The following MAML1 variants were observed in gnomAD, a reference collection of about 807,000 sequenced individuals.
MAML1 encodes mastermind-like protein 1.
In MAML1, 14 loss-of-function variants were observed where a neutral mutation model predicts 77.1. The observed-to-expected ratio is 0.18, with a 90% CI of 0.12 to 0.28. The LOEUF (loss-of-function observed/expected upper bound fraction) is 0.28. MAML1 is among the 10% of genes least tolerant of loss of function. The pLI is 1.00. For synonymous variants in MAML1, 516 were observed against 551.9 expected, an observed-to-expected ratio of 0.93 and a Z score of 0.91; for missense variants, 1,217 against 1,327.8, an observed-to-expected ratio of 0.92 and a Z score of 1.30.
chr5:179,739,805 T>C (rs1282812674), intron 1 of MAML1, among the ~76,000 whole-genome samples: 1 of 152,218 alleles, frequency 6.6e-6, no homozygotes, highest in African/African-American at 2.4e-5. Flanking sequence ...TTATTGCAAA[T>C]ACTAGGCCAT....
At chr5:179,757,380 C>T (rs941357970) in intron 1 of MAML1, among the ~76,000 whole-genome samples, 1 of 151,978 alleles carries the variant, frequency 6.6e-6, no homozygotes, top group African/African-American at 2.4e-5. Flanking sequence ...CCAGCCTGAC[C>T]AACATGGTGA....
intron 1 of MAML1, among the ~76,000 whole-genome samples, chr5:179,744,761 G>A (rs373860964): frequency 6.6e-6 from 1 of 151,938 alleles, no homozygotes; most frequent in Non-Finnish European, 1.5e-5. Flanking sequence ...GTAATCCACC[G>A]CGCCCAGCTG....
At chr5:179,762,909 C>T (rs1425352506) in intron 1 of MAML1, among the ~76,000 whole-genome samples, 1 of 152,182 alleles carries the variant, frequency 6.6e-6, no homozygotes, top group African/African-American at 2.4e-5. Flanking sequence ...TGGTTAAAAG[C>T]AATAGGTATT....
Position 179,766,581 on chromosome 5 carries a change from A to C in MAML1, c.1571A>C (p.Asp524Ala). Residue 524 changes from aspartate to alanine, a missense_variant, in exon 2 of 5, where the codon GAC becomes GCC. Physicochemically the swap from Asp to Ala is moderately radical, Grantham distance 126 (BLOSUM62 -2). This residue lies in a region of MAML1 where 884 missense variants were observed against 949.3 expected (regional missense o/e 0.93). Coordinates refer to ENST00000292599, the MANE Select transcript of MAML1 (RefSeq NM_014757.5). The surrounding 1 kb of genome is among the most constrained non-coding windows in gnomAD (Gnocchi z 4.0). The part of the protein sequence containing the change: ...NTKPLSHYKA[D>A]CGQGSPGSGQ... ...AAACCCCTTTCTCATTACAAAGCGG[A>C]CTGTGGGCAAGGCAGCCCGGGGTCT... 6.2e-7 allele frequency: 1 copy of C among 1,611,684 alleles called. No homozygotes were observed. The highest frequency in any genetic ancestry group is 1.3e-5 in the African/African-American group (1 of 74,982).
chr5:179,737,362 A>G (rs1043326520), intron 1 of MAML1, among the ~76,000 whole-genome samples: 2 of 152,234 alleles, frequency 1.3e-5, no homozygotes, highest in African/African-American at 2.4e-5. Flanking sequence ...GATAAGTATC[A>G]TTAAGAAAAC....
At chr5:179,744,553 T>C (rs1314321130) in intron 1 of MAML1, among the ~76,000 whole-genome samples, 1 of 151,846 alleles carries the variant, frequency 6.6e-6, no homozygotes, top group Non-Finnish European at 1.5e-5. Flanking sequence ...TTTTTTTTTT[T>C]TTAGACGGAG....
At chr5:179,752,146 C>T (rs752045769) in intron 1 of MAML1, among the ~76,000 whole-genome samples, 9 of 151,396 alleles carry the variant, frequency 5.9e-5, no homozygotes, top group South Asian at 2.1e-4. Flanking sequence ...GCCAACATAG[C>T]GAAACCCCCT....
In MAML1 at chr5:179,771,126, G is replaced by T. The variant is rs1181675117; in HGVS notation, c.1972-21G>T. ...TTTTGTTATATGTTGGTTTTGTTTT[G>T]TTGTTCTTGGCATTTTCTAGGAGAA... On this transcript the variant is annotated intron_variant, in intron 3 of 4. Coordinates refer to ENST00000292599, the MANE Select transcript of MAML1 (RefSeq NM_014757.5). This position sits in a 1 kb window ranked among gnomAD's most constrained non-coding sequence, Gnocchi z 4.7. 1 of 1,601,248 alleles carries T rather than the reference G, an allele frequency of 6.2e-7. No homozygotes were observed. The highest frequency in any genetic ancestry group is 2.2e-5 in the East Asian group (1 of 44,814).
intron 1 of MAML1, among the ~76,000 whole-genome samples, chr5:179,740,138 C>G (rs1779252994): frequency 6.6e-6 from 1 of 152,164 alleles, no homozygotes; most frequent in Admixed American, 6.5e-5. Flanking sequence ...AGAGAACCAC[C>G]AGTACCAAGT....
intron 1 of MAML1, among the ~76,000 whole-genome samples, chr5:179,744,262 G>T (rs759128011): frequency 6.6e-6 from 1 of 152,022 alleles, no homozygotes; most frequent in Non-Finnish European, 1.5e-5. Context: ...TTGGCTCACC[G>T]CAACCTCCAC....
intron 1 of MAML1, among the ~76,000 whole-genome samples, chr5:179,742,420 C>T (rs182433914): frequency 0.013 from 1,974 of 151,746 alleles, 43 homozygotes; most frequent in African/African-American, 0.045. Context: ...ACCTGGGCAC[C>T]GGAGGTTGCA....
rs150744171 is a variant in MAML1 at position 179,765,492 on chromosome 5, T to G, written c.482T>G (p.Leu161Arg). 2.2e-5 allele frequency: 36 copies of G among 1,613,968 alleles called. No individual in the cohort carries two copies. The African/African-American group carries it at 4.3e-4, about 19-fold the overall frequency. ...AATGGACTGCCTCCAGCCTCCCCCC[T>G]CGGTCAGTCTGACAAGCCTTCTGGA... ...SSNGLPPASP[L>R]GQSDKPSGAD... Residue 161 changes from leucine (L) to arginine (R), a missense_variant, in exon 2 of 5, where the codon CTC becomes CGC. Physicochemically the swap from Leu to Arg is moderately radical, Grantham distance 102 (BLOSUM62 -2). Transcript: ENST00000292599.
chr5:179,753,521 T>C (rs1251992884), intron 1 of MAML1, among the ~76,000 whole-genome samples: 3 of 152,122 alleles, frequency 2.0e-5, no homozygotes, highest in African/African-American at 7.2e-5. Context: ...GAGGAGTACA[T>C]GCATGTTCTG....
Position 179,754,515 on chromosome 5 carries a change from G to A in MAML1, c.316-10811G>A, listed in dbSNP as rs542312549. Among the ~76,000 whole-genome samples the A allele has an allele frequency of 5.9e-5, 9 of 152,028 alleles. 1 individual carries two copies. The highest frequency in any genetic ancestry group is 2.2e-4 in the African/African-American group (9 of 41,400). On this transcript the variant is annotated intron_variant, in intron 1 of 4. Transcript: ENST00000292599. ...AGACTGAAGTGGGAAGATAGAGCTC[G>A]GGAGGTGGAGGCTGCAGTAAGCTAG...
At chr5:179,773,346 A>G (rs1223886227) in intron 4 of MAML1, among the ~76,000 whole-genome samples, 1 of 152,214 alleles carries the variant, frequency 6.6e-6, no homozygotes, top group Non-Finnish European at 1.5e-5. Flanking sequence ...GCCTTTGCAC[A>G]CACTTGCCTG....
intron 1 of MAML1, 90 bp from the exon 2 acceptor site, chr5:179,765,236 G>A: frequency 1.8e-6 from 2 of 1,106,626 alleles, no homozygotes; most frequent in East Asian, 2.4e-5. Flanking sequence ...CCACTGGCGA[G>A]CATTGCAGGG....
intron 1 of MAML1, among the ~76,000 whole-genome samples, chr5:179,738,949 T>C (rs1008574300): frequency 6.3e-5 from 9 of 142,170 alleles, no homozygotes; most frequent in Non-Finnish European, 1.3e-4. Context: ...CCCAGCCTCA[T>C]TGGCATCTTA....
intron 1 of MAML1, among the ~76,000 whole-genome samples, chr5:179,736,683 C>G (rs1411901898): frequency 6.6e-6 from 1 of 151,996 alleles, no homozygotes; most frequent in East Asian, 1.9e-4. Flanking sequence ...TTAGGGGGGC[C>G]GGGAGCAGTG....
At chr5:179,741,027 G>A (rs780176677) in intron 1 of MAML1, among the ~76,000 whole-genome samples, 11 of 152,220 alleles carry the variant, frequency 7.2e-5, no homozygotes, top group Middle Eastern at 3.4e-3. Context: ...CACATTTCCA[G>A]CTGTCTGCTG....
Sources: gnomAD v4.1 joint callset for allele counts (sites outside exome capture counted in the v4.1 genomes callset) on GRCh38, gnomAD v4.1.1 for gene constraint, gnomAD v4.1.1 regional missense constraint, Gnocchi (gnomAD v3.1) non-coding constraint, MANE v1.5 for transcripts, NCBI Gene and HGNC (gene_info 2026-07-23, HGNC 2026-07-21) for gene names.